The following DNAH17 variants were observed in gnomAD, a reference collection of about 807,000 sequenced individuals.
DNAH17 encodes the protein axonemal beta dynein heavy chain 17.
In DNAH17, 376 loss-of-function variants were observed where a neutral mutation model predicts 485.6. The observed-to-expected ratio is 0.77, with a 90% CI of 0.71 to 0.84. DNAH17 has a LOEUF of 0.84. DNAH17 is among the 40% of genes least tolerant of loss of function. The probability of loss-of-function intolerance (pLI) is 0.00; values close to 1 mark genes in which losing one functional copy is unlikely to be tolerated. For missense variants in DNAH17, 6,370 were observed against 5,839.3 expected, an observed-to-expected ratio of 1.09 and a Z score of -2.96; for synonymous variants, 3,031 against 2,405.9, an observed-to-expected ratio of 1.26 and a Z score of -7.60.
At chr17:78,576,443 G>A (rs928548785) in intron 1 of DNAH17, among the ~76,000 whole-genome samples, 4 of 152,144 alleles carry the variant, frequency 2.6e-5, no homozygotes, top group African/African-American at 9.7e-5. Flanking sequence ...ACCCGATTCA[G>A]GCACATCTGT....
intron 34 of DNAH17, 151 bp downstream of exon 34, chr17:78,501,591 C>A: frequency 1.7e-6 from 2 of 1,196,018 alleles, no homozygotes; most frequent in Non-Finnish European, 2.3e-6. Context: ...GGGGTGAGTC[C>A]GGGCAAGGAG....
chr17:78,447,735 G>A (rs1210875464), intron 69 of DNAH17, among the ~76,000 whole-genome samples: 2 of 152,128 alleles, frequency 1.3e-5, no homozygotes, highest in African/African-American at 4.8e-5. Context: ...ACATGTAAAA[G>A]GAACCTTCAT....
At chr17:78,497,697 G>A (rs552719901) in intron 37 of DNAH17, among the ~76,000 whole-genome samples, 29 of 152,334 alleles carry the variant, frequency 1.9e-4, no homozygotes, top group African/African-American at 7.0e-4. Context: ...GAGGCAGAGG[G>A]AGCATAAGGA....
intron 13 of DNAH17, among the ~76,000 whole-genome samples, chr17:78,559,589 C>A (rs955388363): frequency 6.6e-6 from 1 of 152,240 alleles, no homozygotes; most frequent in African/African-American, 2.4e-5. Context: ...AGGCTCCCAA[C>A]TGATTTTCCT....
rs564430754 is a variant in DNAH17 at position 78,569,362 on chromosome 17, G to T, written c.1197+13C>A. The stretch of plus-strand genomic sequence containing the variant: ...CGTCCTGCCTTGGCCCTCGCCCTGC[G>T]AGGAAGGGGTACCTTAAAGAAAAGC... On this transcript the variant is annotated intron_variant, in intron 8 of 80. Transcript: ENST00000389840. 29 of 1,612,352 alleles carry T rather than the reference G, an allele frequency of 1.8e-5. No individual in the cohort carries two copies. In the South Asian group the frequency reaches 2.8e-4, roughly 15 times the overall value.
intron 55 of DNAH17, among the ~76,000 whole-genome samples, chr17:78,468,290 A>ATACGACAC (rs1213700272): frequency 3.9e-5 from 6 of 152,232 alleles, no homozygotes; most frequent in Non-Finnish European, 8.8e-5. Context: ...ATCTTCAAAA[A>ATACGACAC]TACGACACTG....
intron 1 of DNAH17, among the ~76,000 whole-genome samples, chr17:78,576,920 T>C (rs1035776789): frequency 2.0e-5 from 3 of 152,104 alleles, no homozygotes; most frequent in East Asian, 1.9e-4. Context: ...CAGTTAACAA[T>C]AGGGTTGTCC....
intron 16 of DNAH17, among the ~76,000 whole-genome samples, chr17:78,547,595 T>C (rs1249019869): frequency 6.6e-6 from 1 of 150,876 alleles, no homozygotes; most frequent in East Asian, 1.9e-4. Flanking sequence ...AATTTTCTTC[T>C]ATTACATCTT....
rs543317579 is a variant in DNAH17, at chr17:78,457,833, G to A, written c.9977+732C>T. On this transcript the variant is annotated intron_variant, in intron 62 of 80. Transcript: ENST00000389840. Reference sequence around the variant, plus strand: ...CTGCCACCACACCCAGCTAATTTTTGTATTTTTAGTAGAGACAGGGTTTTA... The same window carrying A: ...CTGCCACCACACCCAGCTAATTTTTATATTTTTAGTAGAGACAGGGTTTTA... Among the ~76,000 whole-genome samples the A allele has an allele frequency of 2.0e-5, 3 of 152,138 alleles. No individual in the cohort carries two copies. In the South Asian group the frequency reaches 6.2e-4, roughly 32 times the overall value.
chr17:78,493,881 C>T, intron 41 of DNAH17, 155 bp downstream of exon 41: 1 of 1,122,970 alleles, frequency 8.9e-7, no homozygotes, highest in Non-Finnish European at 1.2e-6. Context: ...CGGCCCCCAG[C>T]TTCCTCCCTG....
chr17:78,434,482 T>G (rs916037312), intron 74 of DNAH17, among the ~76,000 whole-genome samples: 3 of 152,218 alleles, frequency 2.0e-5, no homozygotes, highest in African/African-American at 7.2e-5. Flanking sequence ...GTTGAATTAT[T>G]GATACTGCTT....
chr17:78,570,830 C>T, intron 6 of DNAH17, 118 bp downstream of exon 6: 1 of 637,704 alleles, frequency 1.6e-6, no homozygotes, highest in East Asian at 3.6e-5. Flanking sequence ...AGCACTCTAG[C>T]CTGGTGACAG....
rs766742220 is a variant in DNAH17, at chr17:78,532,611, C to T, written c.2985G>A (p.Thr995=). The T allele has an allele frequency of 1.4e-5, 23 of 1,606,234 alleles. No individual in the cohort carries two copies. Among genetic ancestry groups the T allele is most frequent in the Middle Eastern group, 1.7e-4 (1 of 6,028 alleles). Residue 995 remains threonine (T), a synonymous_variant, in exon 20 of 81, where the codon ACG becomes ACA. Coordinates refer to ENST00000389840, the MANE Select transcript of DNAH17 (RefSeq NM_173628.4). Reference sequence around the variant, plus strand: ...TCTTCATAAACTCCTGCAGGTTGTCCGTCCAGAGGTAGGAGTACCTCTCAA... The same window carrying T: ...TCTTCATAAACTCCTGCAGGTTGTCTGTCCAGAGGTAGGAGTACCTCTCAA... ...DSFERYSYLW[T]DNLQEFMKNF...
intron 25 of DNAH17, among the ~76,000 whole-genome samples, chr17:78,515,860 C>T (rs183340984): frequency 5.3e-5 from 8 of 152,290 alleles, no homozygotes; most frequent in Admixed American, 5.2e-4. Context: ...GGGTTGTTAC[C>T]GCACAGTAAC....
chr17:78,468,611 C>A lies in DNAH17; in HGVS notation c.8778+6G>T. On this transcript the variant is annotated splice_donor_region_variant and intron_variant, in intron 55 of 80. Coordinates refer to ENST00000389840, the MANE Select transcript of DNAH17 (RefSeq NM_173628.4). ...CTTGAGGCCCTGCCGAAGACGGGAG[C>A]CCCACCTTGAGCTGTCTGCGCACTT... is the stretch of plus-strand genomic sequence containing the variant. The A allele has an allele frequency of 3.7e-6, 6 of 1,609,978 alleles. No individual in the cohort carries two copies. Among genetic ancestry groups the A allele is most frequent in the Non-Finnish European group, 5.1e-6 (6 of 1,177,348 alleles).
intron 61 of DNAH17, 116 bp from the exon 62 acceptor site, chr17:78,458,796 G>T: frequency 9.0e-7 from 1 of 1,105,518 alleles, no homozygotes; most frequent in Non-Finnish European, 1.4e-6. Flanking sequence ...TCCCACAAAG[G>T]CTGAGAGCCC....
At chr17:78,525,261 G>A in intron 24 of DNAH17, 100 bp from the exon 25 acceptor site, 7 of 1,482,560 alleles carry the variant, frequency 4.7e-6, no homozygotes, top group South Asian at 2.6e-5. Flanking sequence ...TGCCCTCCCT[G>A]ATAAACCTTC....
intron 19 of DNAH17, among the ~76,000 whole-genome samples, chr17:78,536,725 G>C (rs1046153007): frequency 3.3e-5 from 5 of 151,896 alleles, no homozygotes; most frequent in African/African-American, 7.3e-5. Flanking sequence ...GTTGGGAAAG[G>C]TTACCCTCTT....
In DNAH17 at chr17:78,455,848, TGA is replaced by T. The variant is rs1177753547; in HGVS notation, c.9978-14_9978-13del. ...ATCCCCCGACCAGCCTAAAGTGGGA[TGA>T]GAGAGAATAAAACATATTTGCACAA... is the stretch of plus-strand genomic sequence containing the variant. On this transcript the variant is annotated splice_polypyrimidine_tract_variant and intron_variant, in intron 62 of 80. Coordinates refer to ENST00000389840, the MANE Select transcript of DNAH17 (RefSeq NM_173628.4). 4.4e-6 allele frequency: 7 copies of T among 1,576,318 alleles called. No homozygotes were observed. Among genetic ancestry groups the T allele is most frequent in the Non-Finnish European group, 6.0e-6 (7 of 1,160,416 alleles).
Sources: gnomAD v4.1 joint callset for allele counts (sites outside exome capture counted in the v4.1 genomes callset) on GRCh38, gnomAD v4.1.1 for gene constraint, MANE v1.5 for transcripts, NCBI Gene and HGNC (gene_info 2026-07-23, HGNC 2026-07-21) for gene names.